Variants in CNGB3 observed in about 807,000 individuals in gnomAD.
The protein encoded by CNGB3 is cyclic nucleotide-gated channel beta-3.
A neutral mutation model predicts 92.8 loss-of-function variants in CNGB3; 86 were observed. The observed-to-expected ratio is 0.93, with a 90% CI of 0.78 to 1.11. The LOEUF (loss-of-function observed/expected upper bound fraction) is 1.11, where lower values mean the gene tolerates loss of function less well. CNGB3 is among the 50% of genes least tolerant of loss of function. CNGB3 has a pLI of 0.00. For synonymous variants in CNGB3, 333 were observed against 332.7 expected (o/e 1.00, Z -0.01); for missense variants, 1,026 against 956.8 (o/e 1.07, Z -0.95).
At chr8:86,587,980 T>G (rs1346325230) in intron 15 of CNGB3, among the ~76,000 whole-genome samples, 3 of 149,272 alleles carry the variant, frequency 2.0e-5, no homozygotes, top group African/African-American at 4.9e-5. Flanking sequence ...GCATGGAATG[T>G]TCTTCCATTT....
At chr8:86,708,595 TCTCA>T (rs1366534352) in intron 3 of CNGB3, among the ~76,000 whole-genome samples, 13 of 140,860 alleles carry the variant, frequency 9.2e-5, no homozygotes, top group African/African-American at 3.4e-4. Flanking sequence ...TGAGTCAGGG[TCTCA>T]CTCTGTCACT....
intron 3 of CNGB3, among the ~76,000 whole-genome samples, chr8:86,689,072 T>G (rs1003732414): frequency 6.6e-6 from 1 of 152,020 alleles, no homozygotes; most frequent in African/African-American, 2.4e-5. Flanking sequence ...TTGTTTAATT[T>G]CCATGTGTGT....
At chr8:86,696,290 G>A (rs541022743) in intron 3 of CNGB3, among the ~76,000 whole-genome samples, 1 of 152,208 alleles carries the variant, frequency 6.6e-6, no homozygotes, top group Admixed American at 6.5e-5. Context: ...GTCAGGAGGT[G>A]GTGCTTCCAA....
chr8:86,617,704 G>A (rs1330186516), intron 13 of CNGB3, among the ~76,000 whole-genome samples: 1 of 152,056 alleles, frequency 6.6e-6, no homozygotes, highest in African/African-American at 2.4e-5. Context: ...CTGAAAATTG[G>A]CAATAGTTCT....
At chr8:86,578,620 G>A (rs941780285) in intron 17 of CNGB3, 69 bp downstream of exon 17, 2 of 1,417,824 alleles carry the variant, frequency 1.4e-6, no homozygotes, top group Non-Finnish European at 2.0e-6. Context: ...ATTAGAGTGG[G>A]CGTTTGTGTG....
chr8:86,583,597 A>G (rs1821834001), intron 15 of CNGB3, among the ~76,000 whole-genome samples: 1 of 152,102 alleles, frequency 6.6e-6, no homozygotes. Flanking sequence ...AGCATTAATG[A>G]CAGGGTCCAG....
chr8:86,589,547 C>T (rs915297695), intron 15 of CNGB3, among the ~76,000 whole-genome samples: 1 of 152,000 alleles, frequency 6.6e-6, no homozygotes, highest in African/African-American at 2.4e-5. Flanking sequence ...CGTCTTTGTT[C>T]TCGTTGGTTT....
intron 3 of CNGB3, among the ~76,000 whole-genome samples, chr8:86,696,727 A>G (rs1824456450): frequency 6.6e-6 from 1 of 152,072 alleles, no homozygotes; most frequent in African/African-American, 2.4e-5. Flanking sequence ...TGCCTTATAT[A>G]CACATAGCTA....
intron 15 of CNGB3, among the ~76,000 whole-genome samples, chr8:86,599,076 C>A (rs764836948): frequency 1.7e-4 from 26 of 152,160 alleles, no homozygotes; most frequent in African/African-American, 6.3e-4. Flanking sequence ...TCAGGGACGC[C>A]AAACGGAGGG....
chr8:86,682,340 G>A (rs1824097833), intron 3 of CNGB3, among the ~76,000 whole-genome samples: 1 of 152,130 alleles, frequency 6.6e-6, no homozygotes, highest in South Asian at 2.1e-4. Context: ...CCTTTGAGGT[G>A]AAGCAATCCC....
At chr8:86,579,456 C>A (rs1821720552) in intron 15 of CNGB3, among the ~76,000 whole-genome samples, 1 of 152,182 alleles carries the variant, frequency 6.6e-6, no homozygotes, top group Non-Finnish European at 1.5e-5. Context: ...CTCTAACTCT[C>A]ACCTCTAAGT....
intron 13 of CNGB3, among the ~76,000 whole-genome samples, chr8:86,623,284 C>G (rs750268096): frequency 5.3e-5 from 8 of 152,122 alleles, no homozygotes; most frequent in Non-Finnish European, 1.0e-4. Context: ...TAACAGTCAC[C>G]TCATCAAACA....
At chr8:86,682,505 A>T (rs907351689) in intron 3 of CNGB3, among the ~76,000 whole-genome samples, 12 of 152,292 alleles carry the variant, frequency 7.9e-5, no homozygotes, top group African/African-American at 2.9e-4. Context: ...CCCAAAACAA[A>T]TATCAGTGTT....
chr8:86,697,431 A>G (rs768305239), intron 3 of CNGB3, among the ~76,000 whole-genome samples: 53 of 152,330 alleles, frequency 3.5e-4, no homozygotes, highest in Admixed American at 7.2e-4. Flanking sequence ...CTTAATACAG[A>G]GTCTGTAGTT....
intron 1 of CNGB3, among the ~76,000 whole-genome samples, chr8:86,742,769 G>C (rs998805734): frequency 6.6e-6 from 1 of 152,028 alleles, no homozygotes; most frequent in African/African-American, 2.4e-5. Context: ...AATAATAATA[G>C]CCACTTGTAA....
At chr8:86,624,693 G>A (rs1822810340) in intron 13 of CNGB3, among the ~76,000 whole-genome samples, 1 of 152,096 alleles carries the variant, frequency 6.6e-6, no homozygotes, top group Non-Finnish European at 1.5e-5. Flanking sequence ...GCAGTCCTCT[G>A]CTTAAGTGCT....
intron 15 of CNGB3, among the ~76,000 whole-genome samples, chr8:86,600,076 C>G (rs1822258366): frequency 6.6e-6 from 1 of 152,144 alleles, no homozygotes; most frequent in South Asian, 2.1e-4. Flanking sequence ...ATTTCTCAGA[C>G]CAGCCAACAC....
chr8:86,645,894 TA>T (rs1823285219), intron 8 of CNGB3, among the ~76,000 whole-genome samples: 1 of 151,176 alleles, frequency 6.6e-6, no homozygotes, highest in African/African-American at 2.4e-5. Context: ...ATATAGATGA[TA>T]AATATTTATC....
intron 13 of CNGB3, among the ~76,000 whole-genome samples, chr8:86,618,566 C>T (rs954762900): frequency 5.9e-5 from 9 of 152,174 alleles, no homozygotes; most frequent in South Asian, 4.1e-4. Context: ...GCTGCAGTAG[C>T]TGGGCAGTAG....
Sources: allele counts gnomAD v4.1 joint callset (sites outside exome capture counted in the v4.1 genomes callset), GRCh38; gene constraint gnomAD v4.1.1; transcripts MANE v1.5; gene names NCBI Gene and HGNC (gene_info 2026-07-23, HGNC 2026-07-21).